GABRG3: variants seen among roughly 807,000 people sequenced by gnomAD.
The protein encoded by GABRG3 is gamma-aminobutyric acid type A receptor subunit gamma3, also known as gamma-aminobutyric acid receptor subunit gamma-3.
Under a neutral mutation model 48.8 loss-of-function variants are expected in GABRG3, and 25 were observed. The observed-to-expected ratio is 0.51, with a 90% confidence interval of 0.37 to 0.72. GABRG3 has a LOEUF of 0.72. Ranked by LOEUF, GABRG3 falls within the 30% of genes least tolerant of loss-of-function variation. The probability of loss-of-function intolerance (pLI) is 0.00; values close to 1 mark genes in which losing one functional copy is unlikely to be tolerated. For missense variants in GABRG3, 394 were observed against 577.9 expected (o/e 0.68, Z 3.26); for synonymous variants, 227 against 217.6 (o/e 1.04, Z -0.38).
chr15:26,991,573 C>T (rs944196781), intron 2 of GABRG3, among the ~76,000 whole-genome samples: 5 of 151,996 alleles, frequency 3.3e-5, no homozygotes, highest in African/African-American at 1.2e-4. Context: ...AATATCTTTC[C>T]ATTTTTTGAT....
At chr15:27,148,886 A>G (rs577127731) in intron 3 of GABRG3, among the ~76,000 whole-genome samples, 5 of 152,160 alleles carry the variant, frequency 3.3e-5, no homozygotes, top group Admixed American at 1.3e-4. Context: ...TCCGCAACTA[A>G]TATCATACTT....
At chr15:27,507,648 T>C (rs1422466150) in intron 6 of GABRG3, among the ~76,000 whole-genome samples, 5 of 152,320 alleles carry the variant, frequency 3.3e-5, no homozygotes, top group African/African-American at 1.2e-4. Context: ...TTGCCTGGAG[T>C]ATTATATAAT....
rs756660300 is a variant in GABRG3, at chr15:27,514,287, T to C, written c.713-5685T>C. ...AAAACACATTTATGACCTTATAATT[T>C]CTGTGAATTAGGTGTGGCTTAGCGG... On this transcript the variant is annotated intron_variant, in intron 6 of 9. Transcript: ENST00000615808. Among the ~76,000 whole-genome samples, 7 of 152,344 alleles carry C rather than the reference T, an allele frequency of 4.6e-5. No individual in the cohort carries two copies. The South Asian group carries it at 6.2e-4, about 14-fold the overall frequency.
At chr15:27,381,793 G>A (rs1895785594) in intron 5 of GABRG3, among the ~76,000 whole-genome samples, 1 of 152,160 alleles carries the variant, frequency 6.6e-6, no homozygotes, top group African/African-American at 2.4e-5. Context: ...ATCCAAGCTG[G>A]TGATTTCAGC....
chr15:27,027,646 T>C (rs1896008366), intron 3 of GABRG3, among the ~76,000 whole-genome samples: 1 of 152,370 alleles, frequency 6.6e-6, no homozygotes, highest in East Asian at 1.9e-4. Flanking sequence ...TCTGGTGATA[T>C]AAGGGTTCCA....
intron 3 of GABRG3, among the ~76,000 whole-genome samples, chr15:27,097,835 AGT>A (rs1290767255): frequency 6.6e-6 from 1 of 152,188 alleles, no homozygotes; most frequent in Non-Finnish European, 1.5e-5. Flanking sequence ...GGATTTGAGA[AGT>A]GCTGCCCTGG....
At chr15:27,353,248 G>A (rs926592917) in intron 5 of GABRG3, among the ~76,000 whole-genome samples, 2 of 151,648 alleles carry the variant, frequency 1.3e-5, no homozygotes, top group Non-Finnish European at 2.9e-5. Flanking sequence ...CCTAACCATG[G>A]CCCCAAGGCT....
At chr15:27,035,851 A>C (rs533683997) in intron 3 of GABRG3, among the ~76,000 whole-genome samples, 1 of 152,354 alleles carries the variant, frequency 6.6e-6, no homozygotes, top group South Asian at 2.1e-4. Flanking sequence ...AGTTACACAG[A>C]TGTGAGGGGA....
intron 5 of GABRG3, among the ~76,000 whole-genome samples, chr15:27,336,237 G>A (rs563382446): frequency 0.055 from 7,777 of 141,836 alleles, 427 homozygotes; most frequent in African/African-American, 0.15. Flanking sequence ...AGAGAGAGGA[G>A]AAGAAAAGAA....
intron 3 of GABRG3, among the ~76,000 whole-genome samples, chr15:27,249,154 G>A (rs1306348113): frequency 6.6e-6 from 1 of 152,212 alleles, no homozygotes; most frequent in Non-Finnish European, 1.5e-5. Context: ...GGCTGCGGGA[G>A]GTGGTGAGCG....
intron 3 of GABRG3, among the ~76,000 whole-genome samples, chr15:27,269,993 T>G (rs1223662046): frequency 6.6e-6 from 1 of 152,228 alleles, no homozygotes; most frequent in Non-Finnish European, 1.5e-5. Context: ...GAAATTTGAA[T>G]ACTTCTGCTA....
chr15:27,010,442 A>G (rs1262455052), intron 2 of GABRG3, among the ~76,000 whole-genome samples: 1 of 152,216 alleles, frequency 6.6e-6, no homozygotes, highest in Non-Finnish European at 1.5e-5. Context: ...AACAACTGAG[A>G]TAGCTTCACT....
chr15:27,096,612 G>A (rs1198406208), intron 3 of GABRG3, among the ~76,000 whole-genome samples: 2 of 152,074 alleles, frequency 1.3e-5, no homozygotes, highest in East Asian at 1.9e-4. Context: ...TTCTGGGAGG[G>A]ACCAATAACT....
chr15:27,146,672 TA>T (rs1324127206), intron 3 of GABRG3, among the ~76,000 whole-genome samples: 1 of 152,150 alleles, frequency 6.6e-6, no homozygotes, highest in African/African-American at 2.4e-5. Context: ...GATGGAACTA[TA>T]TAAGTGCAAA....
intron 3 of GABRG3, among the ~76,000 whole-genome samples, chr15:27,094,622 T>C (rs1224363310): frequency 6.6e-6 from 1 of 152,134 alleles, no homozygotes; most frequent in Non-Finnish European, 1.5e-5. Flanking sequence ...GAGCCTTCCC[T>C]TGTTGGAATT....
intron 3 of GABRG3, among the ~76,000 whole-genome samples, chr15:27,213,112 C>T (rs1487234745): frequency 3.3e-5 from 5 of 152,108 alleles, no homozygotes; most frequent in African/African-American, 1.2e-4. Context: ...TCTGAAGGTA[C>T]ATGTTTAGCT....
rs935716963 is a variant in GABRG3, at chr15:27,312,677, C to T, written c.271-14132C>T. On this transcript the variant is annotated intron_variant, in intron 3 of 9. Coordinates refer to ENST00000615808, the MANE Select transcript of GABRG3 (RefSeq NM_033223.5). ...ATAACTGGAAACCAAGAATACTGTG[C>T]CTGGCAAAACTGCCCTTTAAAAATG... is the stretch of plus-strand genomic sequence containing the variant. 4.9e-4 allele frequency among the ~76,000 whole-genome samples: 74 copies of T among 152,094 alleles called. 2 individuals are homozygous for T. The highest frequency in any genetic ancestry group is 1.5e-3 in the African/African-American group (61 of 41,492).
intron 3 of GABRG3, among the ~76,000 whole-genome samples, chr15:27,131,338 G>A (rs866225127): frequency 1.3e-5 from 2 of 151,952 alleles, no homozygotes; most frequent in African/African-American, 4.8e-5. Flanking sequence ...TTATTGCACT[G>A]ATTGATTTTT....
At chr15:27,111,651 G>A (rs1013545210) in intron 3 of GABRG3, among the ~76,000 whole-genome samples, 4 of 152,160 alleles carry the variant, frequency 2.6e-5, no homozygotes, top group Non-Finnish European at 4.4e-5. Flanking sequence ...GTTCTTCAGA[G>A]AGGGTCTACG....
Sources: allele counts gnomAD v4.1 joint callset (sites outside exome capture counted in the v4.1 genomes callset), GRCh38; gene constraint gnomAD v4.1.1; transcripts MANE v1.5; gene names NCBI Gene and HGNC (gene_info 2026-07-23, HGNC 2026-07-21).